The following PCDHAC1 variants were observed in gnomAD, a reference collection of about 807,000 sequenced individuals.
PCDHAC1 encodes the protein protocadherin alpha-C1.
In PCDHAC1, 42 loss-of-function variants were observed where a neutral mutation model predicts 60.0. The observed-to-expected ratio is 0.70, with a 90% confidence interval of 0.55 to 0.90. PCDHAC1 has a LOEUF of 0.90. Among genes scored for constraint, PCDHAC1 ranks in the 40% least tolerant of loss-of-function variants. The pLI, the probability that PCDHAC1 is intolerant of heterozygous loss-of-function variation, is 0.00. For missense variants in PCDHAC1, 1,160 were observed against 1,222.3 expected (o/e 0.95, Z 0.76); for synonymous variants, 468 against 499.3 (o/e 0.94, Z 0.84).
chr5:140,929,541 G>A, intron 1 of PCDHAC1: 6 of 542,944 alleles, frequency 1.1e-5, no homozygotes, highest in Non-Finnish European at 1.8e-5. Context: ...AGAAACAAGG[G>A]CAAAAATTAA....
chr5:140,941,894 T>G (rs1398323055), intron 1 of PCDHAC1, among the ~76,000 whole-genome samples: 2 of 152,230 alleles, frequency 1.3e-5, no homozygotes, highest in African/African-American at 4.8e-5. Context: ...AGCATCTAAG[T>G]AACATTGAAA....
In PCDHAC1 at chr5:140,929,043, C is replaced by T; in HGVS notation, c.2151C>T (p.Ser717=). 1 of 1,614,196 alleles carries T rather than the reference C, an allele frequency of 6.2e-7. No homozygotes were observed. Among genetic ancestry groups the T allele is most frequent in the South Asian group, 1.1e-5 (1 of 91,078 alleles). The part of the protein sequence containing the change: ...LHQSPGCCAQ[S]CCRSTEDLRY... ...AGAGCCCAGGCTGTTGCGCTCAGAG[C>T]TGCTGTCGCTCTACAGAGGATCTGA... Residue 717 remains serine, a synonymous_variant, in exon 1 of 4, where the codon AGC becomes AGT. Transcript: ENST00000253807.
chr5:140,958,468 G>T (rs1554223482), intron 1 of PCDHAC1, among the ~76,000 whole-genome samples: 6 of 152,040 alleles, frequency 3.9e-5, no homozygotes, highest in Non-Finnish European at 8.8e-5. Flanking sequence ...ACTTCTGCTG[G>T]CTTAAAGAGC....
chr5:140,927,294 C>T lies in PCDHAC1; in HGVS notation c.402C>T (p.Pro134=), dbSNP rs781944508. ...FPAGDVQLHI[P]EFLTPGARFT... ...CCGGCGACGTGCAGCTGCACATCCCCGAGTTCCTGACGCCCGGAGCCCGCT... is the reference window on the plus strand; with the variant it reads ...CCGGCGACGTGCAGCTGCACATCCCTGAGTTCCTGACGCCCGGAGCCCGCT... Residue 134 remains proline (P), a synonymous_variant, in exon 1 of 4, where the codon CCC becomes CCT. Coordinates refer to ENST00000253807, the MANE Select transcript of PCDHAC1 (RefSeq NM_018898.5). 10 of 1,614,062 alleles carry T rather than the reference C, an allele frequency of 6.2e-6. No individual in the cohort carries two copies. The highest frequency in any genetic ancestry group is 3.3e-5 in the South Asian group (3 of 91,088).
chr5:140,942,255 A>G (rs2093254394), intron 1 of PCDHAC1, among the ~76,000 whole-genome samples: 1 of 152,194 alleles, frequency 6.6e-6, no homozygotes, highest in Non-Finnish European at 1.5e-5. Context: ...TCATTAAAAG[A>G]TATCTAAAGC....
chr5:140,954,673 CTT>C (rs1173553071), intron 1 of PCDHAC1, among the ~76,000 whole-genome samples: 2 of 152,076 alleles, frequency 1.3e-5, no homozygotes, highest in South Asian at 4.1e-4. Flanking sequence ...GGATATTAGA[CTT>C]TTGTCAGATG....
intron 3 of PCDHAC1, among the ~76,000 whole-genome samples, chr5:141,007,907 A>G (rs1402621923): frequency 6.6e-6 from 1 of 152,186 alleles, no homozygotes; most frequent in Non-Finnish European, 1.5e-5. Flanking sequence ...TTCTTTGTTG[A>G]AGATGCTATA....
At chr5:141,000,381 CTCTCTCTCTCTCTCTA>C (rs1443323474) in intron 3 of PCDHAC1, among the ~76,000 whole-genome samples, 1 of 61,380 alleles carries the variant, frequency 1.6e-5, no homozygotes, top group African/African-American at 7.4e-5. Flanking sequence ...CTCTCTCTCT[CTCTCTCTCTCTCTCTA>C]TATATATATA....
At chr5:140,990,836 C>G (rs1358432111) in intron 3 of PCDHAC1, among the ~76,000 whole-genome samples, 1 of 152,120 alleles carries the variant, frequency 6.6e-6, no homozygotes, top group East Asian at 1.9e-4. Context: ...AGCCTATTAG[C>G]AAAAATAGAG....
At chr5:140,986,861 C>T (rs1007036038) in intron 3 of PCDHAC1, among the ~76,000 whole-genome samples, 12 of 152,086 alleles carry the variant, frequency 7.9e-5, no homozygotes, top group Non-Finnish European at 1.0e-4. Flanking sequence ...CAACAATACC[C>T]GGAAACTTGT....
intron 1 of PCDHAC1, among the ~76,000 whole-genome samples, chr5:140,969,939 G>A (rs188120855): frequency 4.6e-5 from 7 of 152,340 alleles, no homozygotes; most frequent in Admixed American, 2.6e-4. Context: ...ACATCATACT[G>A]AAGCTAAAGT....
In PCDHAC1 at chr5:140,927,343, G is replaced by T. The variant is rs2084109180; in HGVS notation, c.451G>T (p.Asp151Tyr). Reference sequence around the variant, plus strand: ...CTTTACTCTCCCGAATGCCCAAGATGACGACGAGGGAAGCAATGGGATACT... The same window carrying T: ...CTTTACTCTCCCGAATGCCCAAGATTACGACGAGGGAAGCAATGGGATACT... The part of the protein sequence containing the change: ...ARFTLPNAQD[D>Y]DEGSNGILSY... The change falls in exon 1 of 4, where the codon GAC becomes TAC. Residue 151 changes from aspartate to tyrosine, a missense_variant. Around this residue, in one of 3 missense-constraint regions of PCDHAC1, gnomAD observed 1,113 missense variants for 1,163.7 expected, o/e 0.96. Coordinates refer to ENST00000253807, the MANE Select transcript of PCDHAC1 (RefSeq NM_018898.5). 1.2e-6 allele frequency: 2 copies of T among 1,614,016 alleles called. No homozygotes were observed. Among genetic ancestry groups the T allele is most frequent in the East Asian group, 4.5e-5 (2 of 44,880 alleles).
intron 3 of PCDHAC1, among the ~76,000 whole-genome samples, chr5:141,007,690 C>T (rs2098341020): frequency 6.6e-6 from 1 of 152,224 alleles, no homozygotes; most frequent in Non-Finnish European, 1.5e-5. Flanking sequence ...CCTACTTCCA[C>T]CTCCCTCCTC....
chr5:140,978,794 TG>T (rs1179958432), intron 1 of PCDHAC1, 154 bp from the exon 2 acceptor site: 8 of 978,628 alleles, frequency 8.2e-6, no homozygotes, highest in Non-Finnish European at 9.7e-6. Context: ...GTGCTATATA[TG>T]TAGATATCAT....
At chr5:140,964,548 G>C (rs1468417797) in intron 1 of PCDHAC1, among the ~76,000 whole-genome samples, 1 of 152,102 alleles carries the variant, frequency 6.6e-6, no homozygotes, top group East Asian at 1.9e-4. Context: ...AGATGGCAGC[G>C]ACTTGGAGGG....
chr5:140,926,791 G>A lies in PCDHAC1; in HGVS notation c.-102G>A. 6 of 1,439,200 alleles carry A rather than the reference G, an allele frequency of 4.2e-6. No individual in the cohort carries two copies. Among genetic ancestry groups the A allele is most frequent in the East Asian group, 2.5e-5 (1 of 40,012 alleles). 89.2% of individuals were successfully genotyped at this position (1,439,200 alleles called of 1,614,324 possible). Reference sequence around the variant, plus strand: ...CCCGCAGCAGTGACGGCCGGCAGGAGCGTGCTCTTCCCCGCGGCTCGTGCT... The same window carrying A: ...CCCGCAGCAGTGACGGCCGGCAGGAACGTGCTCTTCCCCGCGGCTCGTGCT... On this transcript the variant is annotated 5_prime_UTR_variant, in exon 1 of 4. Coordinates refer to ENST00000253807, the MANE Select transcript of PCDHAC1 (RefSeq NM_018898.5).
chr5:140,987,797 T>A (rs967250070), intron 3 of PCDHAC1, among the ~76,000 whole-genome samples: 23 of 152,308 alleles, frequency 1.5e-4, no homozygotes, highest in African/African-American at 4.3e-4. Flanking sequence ...AAGATTTTTT[T>A]AAAGTGCCTG....
intron 1 of PCDHAC1, among the ~76,000 whole-genome samples, chr5:140,951,817 C>T (rs981107617): frequency 6.6e-6 from 1 of 152,146 alleles, no homozygotes; most frequent in Non-Finnish European, 1.5e-5. Flanking sequence ...CCCTCAAAGT[C>T]TGAACTCATT....
intron 1 of PCDHAC1, among the ~76,000 whole-genome samples, chr5:140,956,484 A>G (rs868955895): frequency 1.3e-5 from 2 of 152,226 alleles, no homozygotes; most frequent in South Asian, 2.1e-4. Flanking sequence ...CCAGTCTTGC[A>G]TCCCAGGGAT....
Sources: gnomAD v4.1 joint callset for allele counts (sites outside exome capture counted in the v4.1 genomes callset) on GRCh38, gnomAD v4.1.1 for gene constraint, gnomAD v4.1.1 regional missense constraint, MANE v1.5 for transcripts, NCBI Gene and HGNC (gene_info 2026-07-23, HGNC 2026-07-21) for gene names.